BHLHA15: variants seen among roughly 807,000 people sequenced by gnomAD.
BHLHA15 encodes basic helix-loop-helix family member a15.
Under a neutral mutation model 10.4 loss-of-function variants are expected in BHLHA15, and 7 were observed. The ratio of observed to expected loss-of-function variants is 0.67; its 90% CI spans 0.38 to 1.26. BHLHA15 has a LOEUF of 1.26. Among genes scored for constraint, BHLHA15 ranks in the 50% most tolerant of loss-of-function variants. The probability of loss-of-function intolerance (pLI) is 0.02; values close to 1 mark genes in which losing one functional copy is unlikely to be tolerated. For synonymous variants in BHLHA15, 140 were observed against 131.5 expected (o/e 1.06, Z -0.44); for missense variants, 289 against 287.4 (o/e 1.01, Z -0.04).
rs1797950115 is a variant in BHLHA15, at chr7:98,214,167, C to T, written c.*1288C>T. Among the ~76,000 whole-genome samples, 1 of 146,978 alleles carries T rather than the reference C, an allele frequency of 6.8e-6. No homozygotes were observed. The highest frequency in any genetic ancestry group is 2.7e-5 in the African/African-American group (1 of 36,434). ...TGGCTGGCCCGTCCCCACCAGGTGG[C>T]CCTGCCCTCCCCAAGTTGGGGGTTG... On this transcript the variant is annotated 3_prime_UTR_variant, in exon 2 of 2. Coordinates refer to ENST00000609256, the MANE Select transcript of BHLHA15 (RefSeq NM_177455.4).
rs1467615978 is a variant in BHLHA15 at position 98,212,746 on chromosome 7, G to T, written c.437G>T (p.Gly146Val). The change falls in exon 2 of 2, where the codon GGC becomes GTC. Residue 146 changes from glycine (G) to valine (V), a missense_variant. Gly to Val is a moderately radical substitution (Grantham distance 109). Coordinates refer to ENST00000609256, the MANE Select transcript of BHLHA15 (RefSeq NM_177455.4). ...CGCCTCCCAGGCCTGGAGGGGCCGG[G>T]CCCCAAGCTCTACCAGCACTACCAG... ...SSRLPGLEGP[G>V]PKLYQHYQQQ... 2 of 1,556,142 alleles carry T rather than the reference G, an allele frequency of 1.3e-6. No homozygotes were observed. The highest frequency in any genetic ancestry group is 1.7e-6 in the Non-Finnish European group (2 of 1,150,562).
rs1421994550 is a variant in BHLHA15, at chr7:98,215,165, AT to A, written c.*2287del. Reference sequence around the variant, plus strand: ...CCGTTCCTGGGCTACGCCACGCGCCATCCCCCGGGGCTGTGGACGCACCCAG... The same window carrying A: ...CCGTTCCTGGGCTACGCCACGCGCCACCCCCGGGGCTGTGGACGCACCCAG... On this transcript the variant is annotated 3_prime_UTR_variant, in exon 2 of 2. Transcript: ENST00000609256. The A allele has an allele frequency of 6.6e-6, 1 of 152,100 alleles. No homozygotes were observed. Among genetic ancestry groups the A allele is most frequent in the Non-Finnish European group, 1.5e-5 (1 of 68,038 alleles). The allele number at this position is 152,100 out of a possible 1,614,324, so 9.4% of individuals were successfully genotyped here. A position where few individuals can be genotyped will look rare whatever the true frequency, so the allele number is the denominator to read the frequency against.
Position 98,214,339 on chromosome 7 carries a change from A to T in BHLHA15, c.*1460A>T, listed in dbSNP as rs191377763. Among the ~76,000 whole-genome samples the T allele has an allele frequency of 6.6e-6, 1 of 152,246 alleles. No individual in the cohort carries two copies. The highest frequency in any genetic ancestry group is 2.4e-5 in the African/African-American group (1 of 41,468). On this transcript the variant is annotated 3_prime_UTR_variant, in exon 2 of 2. Coordinates refer to ENST00000609256, the MANE Select transcript of BHLHA15 (RefSeq NM_177455.4). ...TTTCATTTCGATGAGACTTTGTCAG[A>T]GGCCTGGTCTGGTCCTGGCCCTACC...
Position 98,212,270 on chromosome 7 carries a change from C to A in BHLHA15, c.-40C>A. On this transcript the variant is annotated 5_prime_UTR_variant, in exon 2 of 2. Coordinates refer to ENST00000609256, the MANE Select transcript of BHLHA15 (RefSeq NM_177455.4). ...CTGGATTTCAGCTCCAAGGGCCTCACCTTCCTGCCGCCACCTCCTAGGACA... is the reference window on the plus strand; with the variant it reads ...CTGGATTTCAGCTCCAAGGGCCTCAACTTCCTGCCGCCACCTCCTAGGACA... The A allele has an allele frequency of 7.6e-7, 1 of 1,318,776 alleles. No individual in the cohort carries two copies. The highest frequency in any genetic ancestry group is 2.4e-5 in the South Asian group (1 of 41,864). 81.7% of individuals were successfully genotyped at this position (1,318,776 alleles called of 1,614,324 possible).
rs375830264 is a variant in BHLHA15 at position 98,212,471 on chromosome 7, C to G, written c.162C>G (p.Gly54=). The change falls in exon 2 of 2, where the codon GGC becomes GGG. Residue 54 remains glycine, a synonymous_variant. Coordinates refer to ENST00000609256, the MANE Select transcript of BHLHA15 (RefSeq NM_177455.4). ...RPARAAARAP[G]EGRRRRPGPS... ...CCCGGGCCGCAGCAAGGGCTCCGGG[C>G]GAGGGCAGGCGCAGGCGGCCAGGAC... The G allele has an allele frequency of 6.4e-7, 1 of 1,550,752 alleles. No individual in the cohort carries two copies. Among genetic ancestry groups the G allele is most frequent in the South Asian group, 1.2e-5 (1 of 84,378 alleles).
rs1022319396 is a variant in BHLHA15 at position 98,212,978 on chromosome 7, AC to A, written c.*103del. ...CCACGAGCCCCAGATGGGCGGTGAC[AC>A]CCCACAAGGACACGGCCTCAGCGGT... On this transcript the variant is annotated 3_prime_UTR_variant, in exon 2 of 2. Transcript: ENST00000609256. The A allele has an allele frequency of 7.2e-5, 82 of 1,134,670 alleles. 1 individual carries two copies. The highest frequency in any genetic ancestry group is 3.9e-4 in the South Asian group (25 of 63,992). The allele number at this position is 1,134,670 out of a possible 1,614,324, so 70.3% of individuals were successfully genotyped here.
chr7:98,212,163 T>C, intron 1 of BHLHA15, 93 bp from the exon 2 acceptor site: 1 of 677,030 alleles, frequency 1.5e-6, no homozygotes, highest in Non-Finnish European at 2.2e-6. Context: ...GTACCATTGC[T>C]GTCAGCAAGG....
In BHLHA15 at chr7:98,212,406, C is replaced by G. The variant is rs948069563; in HGVS notation, c.97C>G (p.Pro33Ala). 1.3e-6 allele frequency: 2 copies of G among 1,487,126 alleles called. No individual in the cohort carries two copies. The highest frequency in any genetic ancestry group is 3.0e-5 in the African/African-American group (2 of 67,638). 92.1% of individuals were successfully genotyped at this position (1,487,126 alleles called of 1,614,324 possible). The part of the protein sequence containing the change: ...EGTPDGSLPN[P>A]GPEPAKGLRS... ...GACGCCCGACGGGTCCCTGCCGAAC[C>G]CGGGGCCAGAGCCGGCCAAGGGTCT... is the stretch of plus-strand genomic sequence containing the variant. The change falls in exon 2 of 2, where the codon CCG becomes GCG. Residue 33 changes from proline to alanine, a missense_variant. Physicochemically the swap from Pro to Ala is conservative, Grantham distance 27. Coordinates refer to ENST00000609256, the MANE Select transcript of BHLHA15 (RefSeq NM_177455.4).
At position 98,213,331 on chromosome 7, in the gene BHLHA15, G is replaced by A. The variant is rs1184060015; in HGVS notation, c.*452G>A. Among the ~76,000 whole-genome samples, 1 of 152,216 alleles carries A rather than the reference G, an allele frequency of 6.6e-6. No homozygotes were observed. The highest frequency in any genetic ancestry group is 1.5e-5 in the Non-Finnish European group (1 of 68,044). On this transcript the variant is annotated 3_prime_UTR_variant, in exon 2 of 2. Coordinates refer to ENST00000609256, the MANE Select transcript of BHLHA15 (RefSeq NM_177455.4). ...CAACCTTTGTTATAGGGCTACATGG[G>A]GCCTGGGCTCAGCATCCTCATTTGG...
At chr7:98,211,690 G>A (rs1469915879) in intron 1 of BHLHA15, among the ~76,000 whole-genome samples, 192 bp downstream of exon 1, 5 of 152,242 alleles carry the variant, frequency 3.3e-5, no homozygotes, top group South Asian at 4.1e-4. Flanking sequence ...GGCCATTGCC[G>A]ACCTCTGACC....
chr7:98,214,883 C>T lies in BHLHA15; in HGVS notation c.*2004C>T, dbSNP rs1797965243. 1 of 152,408 alleles carries T rather than the reference C, an allele frequency of 6.6e-6. No individual in the cohort carries two copies. The highest frequency in any genetic ancestry group is 2.4e-5 in the African/African-American group (1 of 41,464). The allele number at this position is 152,408 out of a possible 1,614,324, so 9.4% of individuals were successfully genotyped here. On this transcript the variant is annotated 3_prime_UTR_variant, in exon 2 of 2. Coordinates refer to ENST00000609256, the MANE Select transcript of BHLHA15 (RefSeq NM_177455.4). Reference sequence around the variant, plus strand: ...AGAGGGTGACCTGGGCCGAGCCGCCCAGTCCTTCTTCCCCTGAGGCCAGAG... The same window carrying T: ...AGAGGGTGACCTGGGCCGAGCCGCCTAGTCCTTCTTCCCCTGAGGCCAGAG...
rs1562928938 is a variant in BHLHA15 at position 98,213,275 on chromosome 7, A to G, written c.*396A>G. 1.3e-5 allele frequency among the ~76,000 whole-genome samples: 2 copies of G among 152,204 alleles called. No individual in the cohort carries two copies. Among genetic ancestry groups the G allele is most frequent in the South Asian group, 4.1e-4 (2 of 4,832 alleles). ...GAAAAGGTTTACCTGCAGGTTTTCC[A>G]AGGCCAAAGCCCCAGCAAGGACCCC... On this transcript the variant is annotated 3_prime_UTR_variant, in exon 2 of 2. Transcript: ENST00000609256.
rs915256390 is a variant in BHLHA15, at chr7:98,212,393, G to A, written c.84G>A (p.Gly28=). 2.7e-6 allele frequency: 4 copies of A among 1,472,174 alleles called. No individual in the cohort carries two copies. The highest frequency in any genetic ancestry group is 3.6e-6 in the Non-Finnish European group (4 of 1,113,496). 91.2% of individuals were successfully genotyped at this position (1,472,174 alleles called of 1,614,324 possible). Residue 28 remains glycine, a synonymous_variant, in exon 2 of 2, where the codon GGG becomes GGA. Coordinates refer to ENST00000609256, the MANE Select transcript of BHLHA15 (RefSeq NM_177455.4). The part of the protein sequence containing the change: ...EATPGEGTPD[G]SLPNPGPEPA... ...CCCCCGGGGAGGGGACGCCCGACGG[G>A]TCCCTGCCGAACCCGGGGCCAGAGC...
chr7:98,212,344 C>T lies in BHLHA15; in HGVS notation c.35C>T (p.Ala12Val). 7.2e-7 allele frequency: 1 copy of T among 1,384,838 alleles called. No individual in the cohort carries two copies. The highest frequency in any genetic ancestry group is 9.4e-7 in the Non-Finnish European group (1 of 1,068,880). 85.8% of individuals were successfully genotyped at this position (1,384,838 alleles called of 1,614,324 possible). ...AAGAACCGGCCCCCACGGCGCCGGG[C>T]CCCGGTGCAGGACACAGAGGCCACC... The part of the protein sequence containing the change: ...KTKNRPPRRR[A>V]PVQDTEATPG... Residue 12 changes from alanine (A) to valine (V), a missense_variant, in exon 2 of 2, where the codon GCC becomes GTC. Transcript: ENST00000609256.
Position 98,212,346 on chromosome 7 carries a change from C to A in BHLHA15, c.37C>A (p.Pro13Thr). The change falls in exon 2 of 2, where the codon CCG (proline) becomes ACG (threonine). Residue 13 changes from proline (P) to threonine (T), a missense_variant. Transcript: ENST00000609256. ...GAACCGGCCCCCACGGCGCCGGGCCCCGGTGCAGGACACAGAGGCCACCCC... is the reference window on the plus strand; with the variant it reads ...GAACCGGCCCCCACGGCGCCGGGCCACGGTGCAGGACACAGAGGCCACCCC... ...TKNRPPRRRA[P>T]VQDTEATPGE... The A allele has an allele frequency of 7.2e-7, 1 of 1,388,688 alleles. No individual in the cohort carries two copies. The allele number at this position is 1,388,688 out of a possible 1,614,324, so 86.0% of individuals were successfully genotyped here.
chr7:98,213,495 G>T lies in BHLHA15; in HGVS notation c.*616G>T, dbSNP rs973734922. Among the ~76,000 whole-genome samples, 1 of 152,224 alleles carries T rather than the reference G, an allele frequency of 6.6e-6. No homozygotes were observed. Among genetic ancestry groups the T allele is most frequent in the African/African-American group, 2.4e-5 (1 of 41,462 alleles). On this transcript the variant is annotated 3_prime_UTR_variant, in exon 2 of 2. Coordinates refer to ENST00000609256, the MANE Select transcript of BHLHA15 (RefSeq NM_177455.4). ...CCTTAAAAGTTGAATGGTGGGGAGG[G>T]GCTGGAGTCTCTTCCTCCCTCCTCC... is the stretch of plus-strand genomic sequence containing the variant.
Position 98,213,123 on chromosome 7 carries a change from C to G in BHLHA15, c.*244C>G, listed in dbSNP as rs1797935472. The G allele has an allele frequency of 4.0e-6, 2 of 505,600 alleles. No homozygotes were observed. The highest frequency in any genetic ancestry group is 6.9e-6 in the Non-Finnish European group (2 of 290,748). The allele number at this position is 505,600 out of a possible 1,614,324, so 31.3% of individuals were successfully genotyped here. A position where few individuals can be genotyped will look rare whatever the true frequency, so the allele number is the denominator to read the frequency against. On this transcript the variant is annotated 3_prime_UTR_variant, in exon 2 of 2. Coordinates refer to ENST00000609256, the MANE Select transcript of BHLHA15 (RefSeq NM_177455.4). ...GGACAGCGGCGTGAGGCCCAAACCTCTAGGTAGGGCCCAGTTGGATCCTGA... is the reference window on the plus strand; with the variant it reads ...GGACAGCGGCGTGAGGCCCAAACCTGTAGGTAGGGCCCAGTTGGATCCTGA...
rs888743371 is a variant in BHLHA15 at position 98,212,338 on chromosome 7, G to A, written c.29G>A (p.Arg10His). The A allele has an allele frequency of 3.6e-6, 5 of 1,379,608 alleles. No homozygotes were observed. The highest frequency in any genetic ancestry group is 1.8e-5 in the South Asian group (1 of 55,802). The allele number at this position is 1,379,608 out of a possible 1,614,324, so 85.5% of individuals were successfully genotyped here. A position where few individuals can be genotyped will look rare whatever the true frequency, so the allele number is the denominator to read the frequency against. ...AAGACCAAGAACCGGCCCCCACGGC[G>A]CCGGGCCCCGGTGCAGGACACAGAG... MKTKNRPPR[R>H]RAPVQDTEAT... is the part of the protein sequence containing the mutation. Residue 10 changes from arginine to histidine, a missense_variant, in exon 2 of 2, where the codon CGC becomes CAC. Arg to His is a conservative substitution (Grantham distance 29). Transcript: ENST00000609256.
At position 98,212,615 on chromosome 7, in the gene BHLHA15, C is replaced by A. The variant is rs756620293; in HGVS notation, c.306C>A (p.Ile102=). 1.2e-6 allele frequency: 2 copies of A among 1,607,188 alleles called. No individual in the cohort carries two copies. The highest frequency in any genetic ancestry group is 2.2e-5 in the South Asian group (2 of 89,294). Residue 102 remains isoleucine (I), a synonymous_variant, in exon 2 of 2, where the codon ATC becomes ATA. Coordinates refer to ENST00000609256, the MANE Select transcript of BHLHA15 (RefSeq NM_177455.4). The part of the protein sequence containing the change: ...NNAFQALREV[I]PHVRADKKLS... ...CCTTCCAGGCCCTGCGTGAAGTCAT[C>A]CCCCACGTGCGCGCGGACAAGAAGC... is the stretch of plus-strand genomic sequence containing the variant.
Sources: allele counts gnomAD v4.1 joint callset (sites outside exome capture counted in the v4.1 genomes callset), GRCh38; gene constraint gnomAD v4.1.1; transcripts MANE v1.5; gene names NCBI Gene and HGNC (gene_info 2026-07-23, HGNC 2026-07-21).